DNAH11: variants seen among roughly 807,000 people sequenced by gnomAD.
DNAH11 encodes dynein axonemal heavy chain 11, also known as axonemal beta dynein heavy chain 11.
In DNAH11, 442 loss-of-function variants were observed where a neutral mutation model predicts 526.0. That is an observed-to-expected ratio of 0.84 (90% CI 0.78 to 0.91). DNAH11 has a LOEUF of 0.91. DNAH11 is among the 40% of genes least tolerant of loss of function. The pLI, the probability that DNAH11 is intolerant of heterozygous loss-of-function variation, is 0.00. For missense variants in DNAH11, 6,989 were observed against 5,448.7 expected (o/e 1.28, Z -8.90); for synonymous variants, 2,461 against 1,935.9 (o/e 1.27, Z -7.12).
chr7:21,755,798 A>G (rs1037677806), intron 54 of DNAH11, among the ~76,000 whole-genome samples: 1 of 152,148 alleles, frequency 6.6e-6, no homozygotes, highest in Non-Finnish European at 1.5e-5. Flanking sequence ...CAAATGATCA[A>G]GAATTTGGTG....
chr7:21,623,425 G>C (rs1786174226), intron 25 of DNAH11, among the ~76,000 whole-genome samples: 1 of 152,212 alleles, frequency 6.6e-6, no homozygotes, highest in Admixed American at 6.5e-5. Flanking sequence ...CAGGGATCTA[G>C]AACTAGAAAT....
chr7:21,606,710 A>G lies in DNAH11; in HGVS notation c.3829A>G (p.Asn1277Asp). 2.5e-6 allele frequency: 4 copies of G among 1,611,772 alleles called. No homozygotes were observed. Among genetic ancestry groups the G allele is most frequent in the Non-Finnish European group, 3.4e-6 (4 of 1,179,214 alleles). The change falls in exon 20 of 82, where the codon AAT becomes GAT. Residue 1277 changes from asparagine to aspartate, a missense_variant. By Grantham distance (23) the Asn-to-Asp change is conservative. Transcript: ENST00000409508. Reference protein sequence around the residue: ...HYAPLGFNAENPYTALDKANE... With the variant: ...HYAPLGFNAEDPYTALDKANE... ...TGCCCCTCTTGGATTTAATGCAGAA[A>G]ATCCATACACAGCGCTTGATAAGGT...
At chr7:21,677,228 A>G (rs1782931311) in intron 30 of DNAH11, among the ~76,000 whole-genome samples, 1 of 150,344 alleles carries the variant, frequency 6.7e-6, no homozygotes, top group Admixed American at 6.6e-5. Flanking sequence ...TTTTTAAACA[A>G]ATTAAAGATC....
In DNAH11 at chr7:21,863,063, C is replaced by CAAAA. The variant is rs373065417; in HGVS notation, c.11373+1053_11373+1056dup. Among the ~76,000 whole-genome samples the CAAAA allele has an allele frequency of 4.5e-4, 19 of 42,002 alleles. 1 individual carries two copies. Among genetic ancestry groups the CAAAA allele is most frequent in the Non-Finnish European group, 5.5e-4 (10 of 18,110 alleles). The allele number at this position is 42,002 out of a possible 152,430, so 27.6% of individuals were successfully genotyped here. A position where few individuals can be genotyped will look rare whatever the true frequency, so the allele number is the denominator to read the frequency against. ...TGGGCAACAGAGCGAGACTCCGTCT[C>CAAAA]AAAAAAAAAAAAAAAAGAAAAAGAA... On this transcript the variant is annotated intron_variant, in intron 69 of 81. Transcript: ENST00000409508.
chr7:21,733,430 AG>A (rs1272961134), intron 45 of DNAH11, among the ~76,000 whole-genome samples: 2 of 152,198 alleles, frequency 1.3e-5, no homozygotes, highest in Admixed American at 1.3e-4. Context: ...AAGAGCCAAA[AG>A]TGCCTGCTCC....
chr7:21,661,538 A>G (rs1782242962), intron 30 of DNAH11, among the ~76,000 whole-genome samples: 1 of 151,900 alleles, frequency 6.6e-6, no homozygotes, highest in African/African-American at 2.4e-5. Flanking sequence ...TTATTTTTCC[A>G]TTGTAAGCTA....
intron 45 of DNAH11, among the ~76,000 whole-genome samples, chr7:21,727,501 A>G (rs1785178780): frequency 6.6e-6 from 1 of 152,220 alleles, no homozygotes; most frequent in Non-Finnish European, 1.5e-5. Context: ...AATGATCCAA[A>G]TGAACCTTTC....
intron 48 of DNAH11, among the ~76,000 whole-genome samples, chr7:21,741,433 C>T (rs114132449): frequency 3.3e-4 from 50 of 152,288 alleles, no homozygotes; most frequent in African/African-American, 1.1e-3. Flanking sequence ...TTTGTGTTTG[C>T]GTAGAAGCTT....
intron 8 of DNAH11, among the ~76,000 whole-genome samples, chr7:21,576,063 A>T (rs529420341): frequency 6.6e-6 from 1 of 152,304 alleles, no homozygotes; most frequent in South Asian, 2.1e-4. Flanking sequence ...ACTGGCCGTT[A>T]TACAGTAGCA....
chr7:21,816,715 T>G lies in DNAH11; in HGVS notation c.10568+13T>G. ...TGGGCCAGAAAGGGTATGTGAAGTT[T>G]GAAGAGACTGGCTTTCTGTTTACCT... On this transcript the variant is annotated intron_variant, in intron 64 of 81. Coordinates refer to ENST00000409508, the MANE Select transcript of DNAH11 (RefSeq NM_001277115.2). 6.2e-7 allele frequency: 1 copy of G among 1,608,900 alleles called. No homozygotes were observed. Among genetic ancestry groups the G allele is most frequent in the Non-Finnish European group, 8.5e-7 (1 of 1,176,304 alleles).
Position 21,901,658 on chromosome 7 carries a change from AAAC to A in DNAH11, c.*410_*412del, listed in dbSNP as rs1454855826. The A allele has an allele frequency of 1.3e-5, 2 of 157,938 alleles. No homozygotes were observed. Among genetic ancestry groups the A allele is most frequent in the East Asian group, 1.9e-4 (1 of 5,344 alleles). The allele number at this position is 157,938 out of a possible 1,614,324, so 9.8% of individuals were successfully genotyped here. On this transcript the variant is annotated 3_prime_UTR_variant, in exon 82 of 82. Transcript: ENST00000409508. ...AAGAACGGAGATTTTAATTTTTAAC[AAAC>A]AACAAATTAAATTATTAGCCCTTAA...
At chr7:21,587,171 A>G (rs1043677566) in intron 9 of DNAH11, among the ~76,000 whole-genome samples, 1 of 152,242 alleles carries the variant, frequency 6.6e-6, no homozygotes, top group Non-Finnish European at 1.5e-5. Flanking sequence ...CACATTGGGT[A>G]GTAAACAAGA....
intron 39 of DNAH11, 106 bp downstream of exon 39, chr7:21,705,643 C>T (rs1784235262): frequency 3.7e-6 from 4 of 1,087,456 alleles, no homozygotes; most frequent in Non-Finnish European, 5.4e-6. Context: ...TCCATGAAGC[C>T]CACCATAATT....
chr7:21,781,288 T>C (rs1170172085), intron 57 of DNAH11, among the ~76,000 whole-genome samples: 1 of 152,190 alleles, frequency 6.6e-6, no homozygotes. Context: ...GGTTAGAGAA[T>C]GTCTTGCCGT....
chr7:21,544,973 C>G, intron 1 of DNAH11, 33 bp from the exon 2 acceptor site: 1 of 1,526,708 alleles, frequency 6.6e-7, no homozygotes, highest in Non-Finnish European at 8.8e-7. Flanking sequence ...AACAAGAAAA[C>G]TACTTGAACT....
chr7:21,729,713 TCACCAGA>T (rs1785291378), intron 45 of DNAH11, among the ~76,000 whole-genome samples: 1 of 151,698 alleles, frequency 6.6e-6, no homozygotes, highest in Non-Finnish European at 1.5e-5. Context: ...CACTGAGGTC[TCACCAGA>T]ACCATCTGAG....
Position 21,600,086 on chromosome 7 carries a change from A to C in DNAH11, c.2967A>C (p.Arg989=). 1 of 1,570,040 alleles carries C rather than the reference A, an allele frequency of 6.4e-7. No individual in the cohort carries two copies. Among genetic ancestry groups the C allele is most frequent in the Non-Finnish European group, 8.7e-7 (1 of 1,154,508 alleles). The stretch of plus-strand genomic sequence containing the variant: ...TTAGAATGTCTGCCCAGATGAACCG[A>C]ATAGCAACACACCTGGAAATTAAAA... ...NSFRMSAQMN[R]IATHLEIKNY... The change falls in exon 15 of 82, where the codon CGA becomes CGC. Residue 989 remains arginine, a synonymous_variant. Transcript: ENST00000409508.
intron 55 of DNAH11, among the ~76,000 whole-genome samples, chr7:21,766,711 C>CA (rs11288151): frequency 0.2 from 27,701 of 137,752 alleles, 2,794 homozygotes; most frequent in Admixed American, 0.28. Context: ...TTTGCTTCTA[C>CA]AAAAAAAAAA....
Position 21,687,523 on chromosome 7 carries a change from A to G in DNAH11, c.5920A>G (p.Lys1974Glu), listed in dbSNP as rs754578594. The change falls in exon 34 of 82, where the codon AAG becomes GAG. Residue 1974 changes from lysine (K) to glutamate (E), a missense_variant. Transcript: ENST00000409508. The stretch of plus-strand genomic sequence containing the variant: ...TCATGATGCCATCAGAAACAGGAAG[A>G]AGAGGTGAGTGGCATGCAGGCTATC... ...MIHDAIRNRKKRFVFLGEAIT... is the reference protein window; with the variant it reads ...MIHDAIRNRKERFVFLGEAIT... 6.2e-7 allele frequency: 1 copy of G among 1,613,244 alleles called. No individual in the cohort carries two copies. The highest frequency in any genetic ancestry group is 8.5e-7 in the Non-Finnish European group (1 of 1,179,584).
Sources: allele counts gnomAD v4.1 joint callset (sites outside exome capture counted in the v4.1 genomes callset), GRCh38; gene constraint gnomAD v4.1.1; transcripts MANE v1.5; gene names NCBI Gene and HGNC (gene_info 2026-07-23, HGNC 2026-07-21).